Variants in TENM1 observed in about 807,000 individuals in gnomAD.
TENM1 encodes the protein teneurin transmembrane protein 1.
In TENM1, 35 loss-of-function variants were observed where a neutral mutation model predicts 174.8. The ratio of observed to expected loss-of-function variants is 0.20; its 90% CI spans 0.15 to 0.27. The LOEUF is 0.27. Among genes scored for constraint, TENM1 ranks in the 10% least tolerant of loss-of-function variants. The pLI, the probability that TENM1 is intolerant of heterozygous loss-of-function variation, is 1.00. For missense variants in TENM1, 1,633 were observed against 2,130.1 expected (o/e 0.77, Z 4.59); for synonymous variants, 781 against 798.7 (o/e 0.98, Z 0.37).
At chrX:124,394,832 A>C (rs184411870) in intron 27 of TENM1, among the ~76,000 whole-genome samples, 89 of 112,217 alleles carry the variant, frequency 7.9e-4, no homozygotes, top group African/African-American at 2.7e-3. Flanking sequence ...GTGTTATTCA[A>C]TGTTCTTAAA....
intron 1 of TENM1, among the ~76,000 whole-genome samples, chrX:124,921,834 G>A (rs2058026814): frequency 8.9e-6 from 1 of 111,860 alleles, no homozygotes; most frequent in Non-Finnish European, 1.9e-5. Flanking sequence ...TCTACTGCAA[G>A]TACAAAATAC....
chrX:124,576,839 T>C (rs1440826362), intron 11 of TENM1, among the ~76,000 whole-genome samples: 2 of 111,894 alleles, frequency 1.8e-5, no homozygotes, highest in Non-Finnish European at 3.8e-5. Context: ...ATTCTGACAT[T>C]AGCTCTCCTC....
intron 25 of TENM1, among the ~76,000 whole-genome samples, chrX:124,410,375 T>G (rs1282089329): frequency 1.8e-5 from 2 of 112,189 alleles, no homozygotes; most frequent in Non-Finnish European, 3.8e-5. Flanking sequence ...TAATTCAAGA[T>G]GGATTAAAGA....
chrX:124,848,033 C>G (rs1247875509), intron 3 of TENM1, among the ~76,000 whole-genome samples: 1 of 110,801 alleles, frequency 9.0e-6, no homozygotes, highest in African/African-American at 3.3e-5. Context: ...ATCACAGGTG[C>G]TTTGGAAATG....
At chrX:124,507,370 C>T (rs1005755519) in intron 18 of TENM1, among the ~76,000 whole-genome samples, 2 of 111,472 alleles carry the variant, frequency 1.8e-5, no homozygotes, top group African/African-American at 6.5e-5. Flanking sequence ...CCTGTATTCT[C>T]TCCTTCACCT....
intron 3 of TENM1, among the ~76,000 whole-genome samples, chrX:124,794,041 C>T (rs763981820): frequency 9.0e-6 from 1 of 110,662 alleles, no homozygotes; most frequent in East Asian, 2.9e-4. Context: ...TTCTGTATCC[C>T]AACGGAACTC....
intron 22 of TENM1, among the ~76,000 whole-genome samples, chrX:124,466,055 T>C (rs1483316052): frequency 9.0e-6 from 1 of 111,631 alleles, no homozygotes; most frequent in African/African-American, 3.3e-5. Flanking sequence ...TTGACACTAG[T>C]GTGTTGTTGA....
chrX:124,452,639 G>C (rs1487447073), intron 23 of TENM1, among the ~76,000 whole-genome samples: 1 of 111,387 alleles, frequency 9.0e-6, no homozygotes, highest in East Asian at 2.8e-4. Context: ...AACAATGATA[G>C]ACTGGATTAA....
chrX:124,606,610 C>A (rs757859750), intron 11 of TENM1, among the ~76,000 whole-genome samples: 8 of 111,106 alleles, frequency 7.2e-5, no homozygotes, highest in Non-Finnish European at 1.5e-4. Context: ...TTTATAATTT[C>A]ATGAATGTTT....
At chrX:124,410,054 A>G (rs2060515198) in intron 25 of TENM1, among the ~76,000 whole-genome samples, 1 of 110,450 alleles carries the variant, frequency 9.1e-6, no homozygotes, top group African/African-American at 3.3e-5. Context: ...AAGAGCCCAC[A>G]TCGCCAAGTC....
chrX:124,943,023 T>G (rs2058352983), intron 1 of TENM1, among the ~76,000 whole-genome samples: 1 of 111,661 alleles, frequency 9.0e-6, no homozygotes, highest in Non-Finnish European at 1.9e-5. Flanking sequence ...ACTTTTCTTC[T>G]TTGGTTCGAA....
the TENM1 span, among the ~76,000 whole-genome samples, chrX:125,038,124 C>T: frequency 9.0e-6 from 1 of 111,329 alleles, no homozygotes; most frequent in Non-Finnish European, 1.9e-5. Context: ...TAGATCATTG[C>T]TATAAGTAGC....
rs773310598 is a variant in TENM1, at chrX:124,419,117, G to T, written c.4982+1194C>A. Among the ~76,000 whole-genome samples, 6 of 112,144 alleles carry T rather than the reference G, an allele frequency of 5.4e-5. No individual in the cohort carries two copies. In the South Asian group the frequency reaches 1.5e-3, roughly 28 times the overall value. ...TTATTACTCTTATTAAGATGGAAGA[G>T]AATTACTTTCAAAAAACAGAGGAAG... On this transcript the variant is annotated intron_variant, in intron 25 of 31. Coordinates refer to ENST00000422452, the Ensembl canonical transcript of TENM1.
At chrX:125,136,685 T>C in the TENM1 span, among the ~76,000 whole-genome samples, 4 of 111,855 alleles carry the variant, frequency 3.6e-5, no homozygotes, top group African/African-American at 1.3e-4. Context: ...GGGTTCCATA[T>C]CTGCAGATTC....
At chrX:125,021,707 G>T in the TENM1 span, among the ~76,000 whole-genome samples, 1 of 112,314 alleles carries the variant, frequency 8.9e-6, no homozygotes, top group East Asian at 2.8e-4. Flanking sequence ...ATGAACGAAT[G>T]AATGTGGTTG....
At chrX:124,788,679 G>A (rs2055101788) in intron 3 of TENM1, among the ~76,000 whole-genome samples, 2 of 112,785 alleles carry the variant, frequency 1.8e-5, no homozygotes, top group Non-Finnish European at 3.8e-5. Flanking sequence ...GATCTCCTTT[G>A]ACTCCATGTC....
intron 1 of TENM1, among the ~76,000 whole-genome samples, chrX:124,940,936 C>T (rs2058316633): frequency 9.0e-6 from 1 of 111,328 alleles, no homozygotes; most frequent in Non-Finnish European, 1.9e-5. Context: ...TTCATTCATA[C>T]TTCAAATATT....
At chrX:124,511,647 G>A (rs1382075259) in intron 18 of TENM1, among the ~76,000 whole-genome samples, 1 of 111,933 alleles carries the variant, frequency 8.9e-6, no homozygotes, top group Admixed American at 9.5e-5. Flanking sequence ...ATGTTATAAG[G>A]ATTAAAATGA....
chrX:124,512,513 G>T (rs2047607143), intron 18 of TENM1, among the ~76,000 whole-genome samples: 1 of 110,701 alleles, frequency 9.0e-6, no homozygotes, highest in South Asian at 3.9e-4. Context: ...GGAACCCTGG[G>T]GATGATTTTA....
Sources: gnomAD v4.1 joint callset for allele counts (sites outside exome capture counted in the v4.1 genomes callset) on GRCh38, gnomAD v4.1.1 for gene constraint, MANE v1.5 for transcripts, NCBI Gene and HGNC (gene_info 2026-07-23, HGNC 2026-07-21) for gene names.